Variants in TPST2 observed in about 807,000 individuals in gnomAD.
TPST2 encodes the protein tyrosylprotein sulfotransferase 2, also known as protein-tyrosine sulfotransferase 2.
Under a neutral mutation model 27.8 loss-of-function variants are expected in TPST2, and 16 were observed. The ratio of observed to expected loss-of-function variants is 0.58; its 90% CI spans 0.39 to 0.88. TPST2 has a LOEUF of 0.88. Ranked by LOEUF, TPST2 falls within the 40% of genes least tolerant of loss-of-function variation. The pLI is 0.00. For missense variants in TPST2, 464 were observed against 543.1 expected (o/e 0.85, Z 1.45); for synonymous variants, 229 against 231.7 (o/e 0.99, Z 0.10).
rs1435757076 is a variant in TPST2 at position 26,540,967 on chromosome 22, A to C, written c.664T>G (p.Tyr222Asp). ...TKWNKAIEVM[Y>D]AQCMEVGKEK... The stretch of plus-strand genomic sequence containing the variant: ...TTGCCTACCTCCATGCACTGGGCGT[A>C]CATCACCTCGATGGCCTTGTTCCAC... Residue 222 changes from tyrosine to aspartate, a missense_variant, in exon 3 of 7, where the codon TAC becomes GAC. Tyr to Asp is a radical substitution (Grantham distance 160). Transcript: ENST00000338754. 2 of 1,614,192 alleles carry C rather than the reference A, an allele frequency of 1.2e-6. No homozygotes were observed. Among genetic ancestry groups the C allele is most frequent in the Non-Finnish European group, 1.7e-6 (2 of 1,180,032 alleles).
chr22:26,581,389 A>C (rs190735413), intron 1 of TPST2, among the ~76,000 whole-genome samples: 2 of 152,156 alleles, frequency 1.3e-5, no homozygotes, highest in African/African-American at 4.8e-5. Flanking sequence ...ATGGTCCCCA[A>C]ACTTCCAGCA....
At position 26,566,764 on chromosome 22, in the gene TPST2, T is replaced by TAAAC. The variant is rs149108718; in HGVS notation, c.-160-22093_-160-22090dup. Among the ~76,000 whole-genome samples the TAAAC allele has an allele frequency of 3.6e-3, 549 of 151,618 alleles. 6 individuals carry two copies. Among genetic ancestry groups the TAAAC allele is most frequent in the African/African-American group, 0.011 (439 of 41,268 alleles). On this transcript the variant is annotated intron_variant, in intron 1 of 6. Transcript: ENST00000338754. ...AAGACTCTGTCTCAAAGTCAGTAAA[T>TAAAC]AAACAAACAAACAAACAAACAAACT...
rs1297554543 is a variant in TPST2 at position 26,541,189 on chromosome 22, G to A, written c.442C>T (p.His148Tyr). ...QAFILEVIAK[H>Y]GEPARVLCNK... ...CAGAGCACGCGGGCCGGCTCTCCGT[G>A]CTTGGCAATCACCTCCAGGATGAAG... Residue 148 changes from histidine (H) to tyrosine (Y), a missense_variant, in exon 3 of 7, where the codon CAC becomes TAC. His to Tyr is a moderately conservative substitution (Grantham distance 83, BLOSUM62 2). Transcript: ENST00000338754. The surrounding 1 kb of genome is among the most constrained non-coding windows in gnomAD (Gnocchi z 5.9). 1.3e-6 allele frequency: 2 copies of A among 1,592,270 alleles called. No homozygotes were observed. Among genetic ancestry groups the A allele is most frequent in the Non-Finnish European group, 1.7e-6 (2 of 1,166,950 alleles).
At chr22:26,583,771 C>T (rs1031741992) in intron 1 of TPST2, among the ~76,000 whole-genome samples, 4 of 151,962 alleles carry the variant, frequency 2.6e-5, no homozygotes, top group Admixed American at 1.3e-4. Flanking sequence ...ACCCAGGAGA[C>T]GGAGGTTGCA....
chr22:26,549,724 T>G (rs1401281280), intron 1 of TPST2, among the ~76,000 whole-genome samples: 1 of 149,852 alleles, frequency 6.7e-6, no homozygotes, highest in Non-Finnish European at 1.5e-5. Context: ...CAGAATCGGT[T>G]GTTGGAAACA....
chr22:26,579,218 C>A (rs1927990193), intron 1 of TPST2, among the ~76,000 whole-genome samples: 1 of 152,202 alleles, frequency 6.6e-6, no homozygotes, highest in Non-Finnish European at 1.5e-5. Context: ...ATCAAATATG[C>A]ACTGCTGGTC....
intron 1 of TPST2, among the ~76,000 whole-genome samples, chr22:26,553,922 G>A (rs1926633196): frequency 6.6e-6 from 1 of 152,152 alleles, no homozygotes; most frequent in Non-Finnish European, 1.5e-5. Flanking sequence ...CAGTACAGAT[G>A]CAACCACCCA....
intron 1 of TPST2, chr22:26,560,798 T>C: frequency 7.3e-6 from 10 of 1,360,892 alleles, no homozygotes; most frequent in Non-Finnish European, 1.1e-5. Flanking sequence ...AGTTCAAGGA[T>C]CCGAATGCAC....
At chr22:26,544,820 G>T in intron 1 of TPST2, 145 bp from the exon 2 acceptor site, 1 of 237,314 alleles carries the variant, frequency 4.2e-6, no homozygotes, top group Non-Finnish European at 6.8e-6. Flanking sequence ...AGGGGAGGCT[G>T]CTTCAGCTCA....
chr22:26,532,155 A>G (rs575845345), intron 5 of TPST2, among the ~76,000 whole-genome samples: 18 of 152,238 alleles, frequency 1.2e-4, no homozygotes, highest in Admixed American at 3.3e-4. Flanking sequence ...AGTCCCTCCA[A>G]CTGCATTCAA....
Position 26,560,800 on chromosome 22 carries a change from C to T in TPST2, c.-160-16125G>A, listed in dbSNP as rs571184603. On this transcript the variant is annotated intron_variant, in intron 1 of 6. Transcript: ENST00000338754. Reference sequence around the variant, plus strand: ...GAGACAAAAAAGAAGTTCAAGGATCCGAATGCACCCAAGAGGACTCCTTCG... The same window carrying T: ...GAGACAAAAAAGAAGTTCAAGGATCTGAATGCACCCAAGAGGACTCCTTCG... 45 of 1,376,938 alleles carry T rather than the reference C, an allele frequency of 3.3e-5. 1 individual carries two copies. The South Asian group carries it at 3.5e-4, about 11-fold the overall frequency. The allele number at this position is 1,376,938 out of a possible 1,614,324, so 85.3% of individuals were successfully genotyped here. A position where few individuals can be genotyped will look rare whatever the true frequency, so the allele number is the denominator to read the frequency against.
intron 1 of TPST2, among the ~76,000 whole-genome samples, chr22:26,579,048 C>T (rs935058994): frequency 1.3e-5 from 2 of 151,998 alleles, no homozygotes; most frequent in East Asian, 1.9e-4. Context: ...GACAGGGTTT[C>T]GCCATGTTGC....
chr22:26,551,120 C>T (rs1926444781), intron 1 of TPST2, among the ~76,000 whole-genome samples: 1 of 150,024 alleles, frequency 6.7e-6, no homozygotes, highest in Non-Finnish European at 1.5e-5. Context: ...AAGACAAAAC[C>T]CTCTCTTTAC....
chr22:26,566,376 C>T (rs944394126), intron 1 of TPST2, among the ~76,000 whole-genome samples: 10 of 152,072 alleles, frequency 6.6e-5, no homozygotes, highest in Admixed American at 6.5e-4. Context: ...CATAGTGAAA[C>T]CCCGTCTCTA....
At chr22:26,563,016 A>C in intron 1 of TPST2, among the ~76,000 whole-genome samples, 1 of 152,318 alleles carries the variant, frequency 6.6e-6, no homozygotes, top group African/African-American at 2.4e-5. Context: ...TACAATGCCC[A>C]GGTAATCCCC....
chr22:26,555,709 C>T (rs768500656), intron 1 of TPST2, among the ~76,000 whole-genome samples: 1 of 152,202 alleles, frequency 6.6e-6, no homozygotes, highest in Non-Finnish European at 1.5e-5. Flanking sequence ...GGTGGGAACA[C>T]GTTCAGGGCA....
At chr22:26,547,288 T>A (rs1926177955) in intron 1 of TPST2, among the ~76,000 whole-genome samples, 1 of 152,110 alleles carries the variant, frequency 6.6e-6, no homozygotes, top group South Asian at 2.1e-4. Flanking sequence ...TGTGTAGAGA[T>A]GGAGTCCCGC....
chr22:26,541,848 T>G lies in TPST2; in HGVS notation c.-88-130A>C. 1.1e-6 allele frequency: 1 copy of G among 916,946 alleles called. No individual in the cohort carries two copies. The highest frequency in any genetic ancestry group is 1.5e-6 in the Non-Finnish European group (1 of 648,336). 56.8% of individuals were successfully genotyped at this position (916,946 alleles called of 1,614,324 possible). A position where few individuals can be genotyped will look rare whatever the true frequency, so the allele number is the denominator to read the frequency against. On this transcript the variant is annotated intron_variant, in intron 2 of 6. Coordinates refer to ENST00000338754, the MANE Select transcript of TPST2 (RefSeq NM_003595.5). This position sits in a 1 kb window ranked among gnomAD's most constrained non-coding sequence, Gnocchi z 5.9. Reference sequence around the variant, plus strand: ...TGCAGAGGGCACCTTTCATAAGCACTAGCTGTGTGCCTGGCACCCTGCTGG... The same window carrying G: ...TGCAGAGGGCACCTTTCATAAGCACGAGCTGTGTGCCTGGCACCCTGCTGG...
chr22:26,569,914 T>C (rs1927534471), intron 1 of TPST2, among the ~76,000 whole-genome samples: 1 of 135,666 alleles, frequency 7.4e-6, no homozygotes, highest in Non-Finnish European at 1.5e-5. Flanking sequence ...ATCATGCCAC[T>C]GCACTCCAGC....
Sources: allele counts gnomAD v4.1 joint callset (sites outside exome capture counted in the v4.1 genomes callset), GRCh38; gene constraint gnomAD v4.1.1; non-coding constraint Gnocchi (gnomAD v3.1); transcripts MANE v1.5; gene names NCBI Gene and HGNC (gene_info 2026-07-23, HGNC 2026-07-21).